The following CACNA1E variants were observed in gnomAD, a reference collection of about 807,000 sequenced individuals.
CACNA1E encodes voltage-dependent R-type calcium channel subunit alpha-1E.
CACNA1E carries 40 observed loss-of-function variants against 259.2 expected under a neutral mutation model. That is an observed-to-expected ratio of 0.15 (90% confidence interval 0.12 to 0.20). CACNA1E has a LOEUF of 0.20. Among genes scored for constraint, CACNA1E ranks in the 10% least tolerant of loss-of-function variants. CACNA1E has a pLI of 1.00. For synonymous variants in CACNA1E, 1,104 were observed against 1,138.5 expected, an observed-to-expected ratio of 0.97 and a Z score of 0.61; for missense variants, 1,874 against 3,040.1, an observed-to-expected ratio of 0.62 and a Z score of 9.02.
intron 12 of CACNA1E, 136 bp downstream of exon 12, chr1:181,718,303 A>C: frequency 1.7e-6 from 1 of 581,910 alleles, no homozygotes; most frequent in Middle Eastern, 4.4e-4. Flanking sequence ...GATTAGCTAA[A>C]GGGAATTCAG....
At chr1:181,720,368 A>G (rs1209550844) in intron 14 of CACNA1E, 31 bp downstream of exon 14, 1 of 1,603,960 alleles carries the variant, frequency 6.2e-7, no homozygotes, top group Non-Finnish European at 8.5e-7. Flanking sequence ...CATCCAAAGG[A>G]GGCTCAAAAC....
intron 45 of CACNA1E, 66 bp downstream of exon 45, chr1:181,793,859 T>TA: frequency 1.3e-6 from 2 of 1,518,552 alleles, no homozygotes; most frequent in Non-Finnish European, 1.8e-6. Flanking sequence ...TATGGAATAA[T>TA]ATCTGATATT....
chr1:181,373,714 T>C (rs1275911461), intron 1 of CACNA1E, among the ~76,000 whole-genome samples: 2 of 152,028 alleles, frequency 1.3e-5, no homozygotes, highest in Admixed American at 1.3e-4. Flanking sequence ...ACTTTTTGTA[T>C]TTTTAGTAGA....
intron 1 of CACNA1E, among the ~76,000 whole-genome samples, chr1:181,341,458 C>T (rs1444975210): frequency 4.6e-5 from 7 of 152,230 alleles, no homozygotes; most frequent in Non-Finnish European, 7.3e-5. Flanking sequence ...CTTGTCTAGA[C>T]GAGGATTAAA....
chr1:181,653,589 A>G (rs1446433707), intron 7 of CACNA1E, among the ~76,000 whole-genome samples: 1 of 152,190 alleles, frequency 6.6e-6, no homozygotes, highest in Non-Finnish European at 1.5e-5. Context: ...CTAAAGGAGA[A>G]TTGATTTTCT....
intron 1 of CACNA1E, among the ~76,000 whole-genome samples, chr1:181,331,121 C>T (rs536385978): frequency 2.0e-5 from 3 of 152,242 alleles, no homozygotes; most frequent in African/African-American, 7.2e-5. Flanking sequence ...GGGAGGCAGA[C>T]GGTGCAGATT....
At chr1:181,583,103 T>TACACAC (rs34193608) in intron 6 of CACNA1E, among the ~76,000 whole-genome samples, 2,916 of 145,044 alleles carry the variant, frequency 0.02, 27 homozygotes, top group African/African-American at 0.034. Context: ...GGACTGTTCC[T>TACACAC]ACACACACAC....
Position 181,394,557 on chromosome 1 carries a change from A to G in CACNA1E, c.-14-18576A>G, listed in dbSNP as rs1282160108. On this transcript the variant is annotated intron_variant, in intron 1 of 11. Coordinates refer to the CACNA1E transcript ENST00000524607. ...AGCAGGGAAAGATAGACAATACACT[A>G]TCATAAACAAATACAGCTTCTAATG... Among the ~76,000 whole-genome samples the G allele has an allele frequency of 2.0e-5, 3 of 152,290 alleles. No homozygotes were observed. In the East Asian group the frequency reaches 5.8e-4, roughly 29 times the overall value.
intron 37 of CACNA1E, 118 bp downstream of exon 37, chr1:181,772,349 C>A: frequency 5.3e-6 from 5 of 943,060 alleles, no homozygotes; most frequent in Non-Finnish European, 8.2e-6. Context: ...CTCCCCTCCT[C>A]TCTCCACACC....
At chr1:181,383,025 CT>C (rs1655573560) in intron 1 of CACNA1E, among the ~76,000 whole-genome samples, 1 of 152,312 alleles carries the variant, frequency 6.6e-6, no homozygotes, top group South Asian at 2.1e-4. Context: ...TTCTGGGGAC[CT>C]CCTCCCCACA....
intron 2 of CACNA1E, among the ~76,000 whole-genome samples, chr1:181,463,296 C>G (rs1453558473): frequency 1.3e-5 from 2 of 152,102 alleles, no homozygotes; most frequent in Non-Finnish European, 2.9e-5. Context: ...CTCTCTCTCC[C>G]TCTCTAAAAT....
chr1:181,790,102 C>G (rs901753339), intron 43 of CACNA1E, among the ~76,000 whole-genome samples: 1 of 152,150 alleles, frequency 6.6e-6, no homozygotes, highest in African/African-American at 2.4e-5. Context: ...ACTGTGTAAA[C>G]TAGGGTGTTT....
intron 6 of CACNA1E, among the ~76,000 whole-genome samples, chr1:181,584,651 G>A (rs182466869): frequency 6.6e-6 from 1 of 152,174 alleles, no homozygotes. Flanking sequence ...TCTCGCAGTT[G>A]ATGAAAAACT....
chr1:181,349,991 C>T (rs2102666848), intron 1 of CACNA1E, among the ~76,000 whole-genome samples: 1 of 152,266 alleles, frequency 6.6e-6, no homozygotes, highest in Admixed American at 6.5e-5. Context: ...AGAACCTCGC[C>T]TCCTCAACTT....
chr1:181,537,305 G>T (rs1668251920), intron 3 of CACNA1E, among the ~76,000 whole-genome samples: 1 of 151,678 alleles, frequency 6.6e-6, no homozygotes, highest in South Asian at 2.1e-4. Flanking sequence ...CACCTTGTTG[G>T]CCAGGCTGGT....
chr1:181,435,156 C>T (rs1247657241), intron 2 of CACNA1E, among the ~76,000 whole-genome samples: 1 of 152,194 alleles, frequency 6.6e-6, no homozygotes, highest in African/African-American at 2.4e-5. Flanking sequence ...GAGTTTATAG[C>T]AGATGCTACT....
intron 3 of CACNA1E, among the ~76,000 whole-genome samples, chr1:181,535,941 C>T (rs1444478675): frequency 6.6e-6 from 1 of 152,128 alleles, no homozygotes; most frequent in Non-Finnish European, 1.5e-5. Flanking sequence ...CCGACCTTGG[C>T]CTCCCAAAGT....
At chr1:181,591,156 A>G (rs1652605175) in intron 6 of CACNA1E, among the ~76,000 whole-genome samples, 1 of 152,248 alleles carries the variant, frequency 6.6e-6, no homozygotes, top group South Asian at 2.1e-4. Context: ...CATGTGTTAT[A>G]CAAATTTTCA....
chr1:181,745,170 A>G (rs1386181820), intron 25 of CACNA1E, among the ~76,000 whole-genome samples: 1 of 152,074 alleles, frequency 6.6e-6, no homozygotes, highest in Non-Finnish European at 1.5e-5. Context: ...TCCTCAGTCT[A>G]CCTACTCTTG....
Sources: allele counts gnomAD v4.1 joint callset (sites outside exome capture counted in the v4.1 genomes callset), GRCh38; gene constraint gnomAD v4.1.1; transcripts MANE v1.5; gene names NCBI Gene and HGNC (gene_info 2026-07-23, HGNC 2026-07-21).